The following MARCHF8 variants were observed in gnomAD, a reference collection of about 807,000 sequenced individuals.
MARCHF8 encodes membrane associated ring-CH-type finger 8.
In MARCHF8, 40 loss-of-function variants were observed where a neutral mutation model predicts 51.6. That is an observed-to-expected ratio of 0.77 (90% confidence interval 0.60 to 1.01). The LOEUF is 1.01. Among genes scored for constraint, MARCHF8 ranks in the 50% least tolerant of loss-of-function variants. MARCHF8 has a pLI of 0.00. For missense variants in MARCHF8, 685 were observed against 708.6 expected, an observed-to-expected ratio of 0.97 and a Z score of 0.38; for synonymous variants, 263 against 280.3, an observed-to-expected ratio of 0.94 and a Z score of 0.62.
At chr10:45,488,875 C>T (rs948150162) in intron 3 of MARCHF8, among the ~76,000 whole-genome samples, 1 of 152,152 alleles carries the variant, frequency 6.6e-6, no homozygotes, top group African/African-American at 2.4e-5. Context: ...CGCCTTCACC[C>T]CTTGTTCAGT....
chr10:45,575,395 C>T (rs942607009), intron 1 of MARCHF8, among the ~76,000 whole-genome samples: 5 of 152,168 alleles, frequency 3.3e-5, no homozygotes, highest in South Asian at 2.1e-4. Context: ...TCTATTCTGT[C>T]GTCTTTTAAT....
At chr10:45,555,128 C>T (rs2044237592) in intron 1 of MARCHF8, among the ~76,000 whole-genome samples, 1 of 151,866 alleles carries the variant, frequency 6.6e-6, no homozygotes, top group African/African-American at 2.4e-5. Context: ...ACTCAGGAGG[C>T]CAAGGGAAGA....
chr10:45,561,745 C>A (rs1589179061), intron 1 of MARCHF8, among the ~76,000 whole-genome samples: 1 of 149,364 alleles, frequency 6.7e-6, no homozygotes, highest in South Asian at 2.1e-4. Flanking sequence ...CTAAAAAATA[C>A]AAAAAATTAG....
intron 3 of MARCHF8, among the ~76,000 whole-genome samples, chr10:45,473,276 C>T (rs548760967): frequency 1.1e-4 from 17 of 152,162 alleles, no homozygotes; most frequent in Non-Finnish European, 2.5e-4. Context: ...ATTGTAATTG[C>T]TCATTAAACA....
At chr10:45,594,202 GA>G (rs1184125428) in intron 1 of MARCHF8, 1 of 152,212 alleles carries the variant, frequency 6.6e-6, no homozygotes, top group Non-Finnish European at 1.5e-5. Context: ...AAAGACCAAA[GA>G]AAAGTTAGCA....
chr10:45,467,722 C>T (rs1350109243), intron 3 of MARCHF8, among the ~76,000 whole-genome samples: 1 of 152,028 alleles, frequency 6.6e-6, no homozygotes, highest in African/African-American at 2.4e-5. Flanking sequence ...AGCCGTCCTG[C>T]TCTTTCTGAA....
intron 2 of MARCHF8, among the ~76,000 whole-genome samples, chr10:45,531,916 T>G (rs1407233313): frequency 6.6e-6 from 1 of 152,044 alleles, no homozygotes; most frequent in Non-Finnish European, 1.5e-5. Context: ...TGGACAAAAA[T>G]TTACCTTTCA....
chr10:45,540,438 C>A (rs902722871), intron 1 of MARCHF8, among the ~76,000 whole-genome samples: 2 of 152,028 alleles, frequency 1.3e-5, no homozygotes, highest in Admixed American at 6.6e-5. Flanking sequence ...TAAAGACTTA[C>A]ATGTTAGACC....
chr10:45,549,364 G>A (rs1279747810), intron 1 of MARCHF8, among the ~76,000 whole-genome samples: 1 of 152,200 alleles, frequency 6.6e-6, no homozygotes. Flanking sequence ...TGGGTTGGCT[G>A]GGCAGCTCTT....
At chr10:45,509,391 T>C (rs541347790) in intron 2 of MARCHF8, among the ~76,000 whole-genome samples, 2 of 152,360 alleles carry the variant, frequency 1.3e-5, no homozygotes, top group African/African-American at 4.8e-5. Flanking sequence ...GACTCTGCTT[T>C]TGTATACTGA....
At chr10:45,552,234 T>G (rs1032168081) in intron 1 of MARCHF8, among the ~76,000 whole-genome samples, 1 of 151,726 alleles carries the variant, frequency 6.6e-6, no homozygotes, top group African/African-American at 2.4e-5. Context: ...TTTCCCATGG[T>G]GAAATCCCAA....
rs188106082 is a variant in MARCHF8, at chr10:45,480,672, A to T, written c.153+8695T>A. On this transcript the variant is annotated intron_variant, in intron 3 of 7. Transcript: ENST00000453424. ...GTGGTGTTGAGCCTGCGGGTACACA[A>T]ATGTCAAGAATTGAGATTTGGGAAC... is the stretch of plus-strand genomic sequence containing the variant. Among the ~76,000 whole-genome samples, 215 of 152,294 alleles carry T rather than the reference A, an allele frequency of 1.4e-3. 2 individuals are homozygous for T. Among genetic ancestry groups the T allele is most frequent in the Admixed American group, 5.4e-3 (82 of 15,294 alleles).
intron 1 of MARCHF8, among the ~76,000 whole-genome samples, chr10:45,549,309 C>T (rs1419757992): frequency 6.6e-6 from 1 of 152,212 alleles, no homozygotes; most frequent in African/African-American, 2.4e-5. Context: ...CTACCCAAAA[C>T]TTTGTTGCTT....
intron 1 of MARCHF8, among the ~76,000 whole-genome samples, chr10:45,562,940 A>G (rs2044326707): frequency 6.6e-6 from 1 of 151,470 alleles, no homozygotes; most frequent in African/African-American, 2.4e-5. Context: ...GTTGACTTAT[A>G]TGTGGGTTTT....
At chr10:45,484,605 T>C (rs748451584) in intron 3 of MARCHF8, among the ~76,000 whole-genome samples, 5 of 152,074 alleles carry the variant, frequency 3.3e-5, no homozygotes, top group Non-Finnish European at 7.4e-5. Flanking sequence ...ATAGGTGCTA[T>C]GAAGAAAGAG....
intron 2 of MARCHF8, among the ~76,000 whole-genome samples, chr10:45,511,820 C>T (rs1196355963): frequency 3.3e-5 from 5 of 151,998 alleles, no homozygotes; most frequent in African/African-American, 1.2e-4. Context: ...AGCCTCTGCC[C>T]GGCCGCCACC....
chr10:45,458,586 T>C (rs772949699), intron 7 of MARCHF8, 43 bp from the exon 8 acceptor site: 8 of 1,519,732 alleles, frequency 5.3e-6, no homozygotes, highest in Non-Finnish European at 6.2e-6. Flanking sequence ...ATTTAAGATA[T>C]GAAGTAAAGA....
At chr10:45,505,322 A>C (rs936801923) in intron 2 of MARCHF8, among the ~76,000 whole-genome samples, 3 of 152,186 alleles carry the variant, frequency 2.0e-5, no homozygotes, top group Non-Finnish European at 4.4e-5. Flanking sequence ...TCCTAAAACA[A>C]TCCCTGTGGC....
intron 3 of MARCHF8, among the ~76,000 whole-genome samples, chr10:45,471,180 G>A (rs901684): frequency 0.062 from 9,445 of 152,158 alleles, 335 homozygotes; most frequent in Non-Finnish European, 0.067. Flanking sequence ...CATTGCTTAC[G>A]CCAAGTAGCA....
Sources: allele counts gnomAD v4.1 joint callset (sites outside exome capture counted in the v4.1 genomes callset), GRCh38; gene constraint gnomAD v4.1.1; transcripts MANE v1.5; gene names NCBI Gene and HGNC (gene_info 2026-07-23, HGNC 2026-07-21).